Variants in PIN4 observed in about 807,000 individuals in gnomAD.
PIN4 encodes the protein peptidylprolyl cis/trans isomerase, NIMA-interacting 4, also known as peptidyl-prolyl cis-trans isomerase NIMA-interacting 4.
In PIN4, 3 loss-of-function variants were observed where a neutral mutation model predicts 8.3. The observed-to-expected ratio is 0.36, with a 90% confidence interval of 0.16 to 0.93. The LOEUF (loss-of-function observed/expected upper bound fraction) is 0.93, where lower values mean the gene tolerates loss of function less well. Ranked by LOEUF, PIN4 falls within the 40% of genes least tolerant of loss-of-function variation. The pLI is 0.44. For missense variants in PIN4, 75 were observed against 100.6 expected (o/e 0.75, Z 1.09); for synonymous variants, 18 against 32.5 (o/e 0.55, Z 1.52).
intron 3 of PIN4, among the ~76,000 whole-genome samples, chrX:72,227,313 A>G (rs1162566881): frequency 9.0e-6 from 1 of 111,690 alleles, no homozygotes; most frequent in Non-Finnish European, 1.9e-5. Flanking sequence ...AGCTCTACAT[A>G]TCACCTGGAA....
At chrX:72,204,145 G>A (rs933461066) in intron 3 of PIN4, among the ~76,000 whole-genome samples, 2 of 112,505 alleles carry the variant, frequency 1.8e-5, no homozygotes, top group African/African-American at 6.5e-5. Flanking sequence ...GGGACCAGAA[G>A]TGTTCTTGAT....
chrX:72,186,095 T>C, intron 1 of PIN4: 1 of 266,165 alleles, frequency 3.8e-6, no homozygotes, highest in Non-Finnish European at 7.0e-6. Context: ...TTTAGCTTGA[T>C]GTTGTAAAGC....
chrX:72,190,674 G>A (rs932167714), intron 2 of PIN4, among the ~76,000 whole-genome samples: 2 of 110,915 alleles, frequency 1.8e-5, no homozygotes, highest in South Asian at 3.8e-4. Context: ...AAATTCAGCC[G>A]GGCGCCGGTG....
chrX:72,235,185 T>C (rs936580618), intron 3 of PIN4, among the ~76,000 whole-genome samples: 1 of 111,888 alleles, frequency 8.9e-6, no homozygotes. Context: ...CAGGTCTCAC[T>C]GGGCTAAAAT....
At chrX:72,181,902 C>T (rs769825061) in intron 1 of PIN4, 74 bp downstream of exon 1, 21 of 643,146 alleles carry the variant, frequency 3.3e-5, no homozygotes, top group Non-Finnish European at 4.3e-5. Flanking sequence ...AGTCCATCTC[C>T]GGAGTCCGGG....
intron 2 of PIN4, among the ~76,000 whole-genome samples, chrX:72,187,874 G>A (rs1237457144): frequency 1.8e-5 from 2 of 112,434 alleles, no homozygotes; most frequent in Non-Finnish European, 3.8e-5. Context: ...GTAAAGATAT[G>A]TATTTCATTG....
intron 1 of PIN4, among the ~76,000 whole-genome samples, chrX:72,185,160 A>AAAAAAAAAAAAAAAAC (rs1556391316): frequency 9.6e-6 from 1 of 104,293 alleles, no homozygotes; most frequent in Non-Finnish European, 2.0e-5. Context: ...AAAAAAAAAA[A>AAAAAAAAAAAAAAAAC]AAAAAACAAC....
chrX:72,253,557 G>A (rs1439974491), intron 3 of PIN4, among the ~76,000 whole-genome samples: 13 of 110,075 alleles, frequency 1.2e-4, no homozygotes, highest in Admixed American at 7.8e-4. Flanking sequence ...CCCGGGAGGC[G>A]GAGATTGCAG....
chrX:72,183,824 G>C (rs1376643883), intron 1 of PIN4, among the ~76,000 whole-genome samples: 5 of 111,568 alleles, frequency 4.5e-5, no homozygotes, highest in South Asian at 3.7e-4. Context: ...AGAAGAGTGA[G>C]ATTTAGGAGA....
intron 3 of PIN4, among the ~76,000 whole-genome samples, chrX:72,245,063 T>C (rs2043062439): frequency 2.2e-5 from 1 of 45,196 alleles, no homozygotes. Flanking sequence ...CAGAGTGAGA[T>C]CCTGTCAAAA....
At chrX:72,226,404 A>G (rs1286395370) in intron 3 of PIN4, among the ~76,000 whole-genome samples, 1 of 112,128 alleles carries the variant, frequency 8.9e-6, no homozygotes, top group Non-Finnish European at 1.9e-5. Flanking sequence ...CAACAAGCAG[A>G]TTTATTTGCC....
chrX:72,240,832 G>C (rs1247363866), intron 3 of PIN4, among the ~76,000 whole-genome samples: 1 of 109,100 alleles, frequency 9.2e-6, no homozygotes, highest in Non-Finnish European at 1.9e-5. Flanking sequence ...GGAGGTGGGG[G>C]ATCTTGGAGA....
intron 3 of PIN4, among the ~76,000 whole-genome samples, chrX:72,214,111 G>A (rs1266402305): frequency 1.8e-5 from 2 of 112,103 alleles, no homozygotes; most frequent in African/African-American, 6.5e-5. Flanking sequence ...TGCCAGTATT[G>A]AAAACAGGTC....
intron 1 of PIN4, among the ~76,000 whole-genome samples, chrX:72,185,111 T>C (rs1475964718): frequency 1.3e-5 from 1 of 79,029 alleles, no homozygotes; most frequent in Non-Finnish European, 2.2e-5. Flanking sequence ...GCCACTGCAC[T>C]CCAGCCTGGG....
downstream of PIN4, among the ~76,000 whole-genome samples, chrX:72,203,230 C>T (rs1298535823): frequency 8.9e-6 from 1 of 111,752 alleles, no homozygotes; most frequent in Non-Finnish European, 1.9e-5. Flanking sequence ...TGCACCACCC[C>T]CATACCTTGC....
At chrX:72,228,898 C>T (rs962243064) in intron 3 of PIN4, among the ~76,000 whole-genome samples, 1 of 111,303 alleles carries the variant, frequency 9.0e-6, no homozygotes, top group Non-Finnish European at 1.9e-5. Context: ...ATGTGCTTAT[C>T]GCTGTCTTCC....
intron 3 of PIN4, among the ~76,000 whole-genome samples, chrX:72,213,921 AAC>A (rs1569490652): frequency 8.9e-6 from 1 of 112,087 alleles, no homozygotes; most frequent in Non-Finnish European, 1.9e-5. Flanking sequence ...CCTGTCCGTT[AAC>A]AGTTTCCCTA....
intron 3 of PIN4, chrX:72,207,912 A>T (rs1256736812): frequency 2.5e-6 from 3 of 1,209,658 alleles, no homozygotes; most frequent in Non-Finnish European, 3.4e-6. Flanking sequence ...CCATCTTAAA[A>T]GTTTTTAATG....
intron 3 of PIN4, among the ~76,000 whole-genome samples, chrX:72,224,942 T>C (rs1217191689): frequency 1.8e-5 from 2 of 111,100 alleles, no homozygotes; most frequent in Non-Finnish European, 3.8e-5. Context: ...CATCATCTAC[T>C]GACTTTTGGC....
Sources: gnomAD v4.1 joint callset for allele counts (sites outside exome capture counted in the v4.1 genomes callset) on GRCh38, gnomAD v4.1.1 for gene constraint, MANE v1.5 for transcripts, NCBI Gene and HGNC (gene_info 2026-07-23, HGNC 2026-07-21) for gene names.